Variants in HECW1 observed in about 807,000 individuals in gnomAD.
HECW1 encodes the protein HECT, C2 and WW domain containing E3 ubiquitin protein ligase 1.
A neutral mutation model predicts 182.3 loss-of-function variants in HECW1; 61 were observed. The observed-to-expected ratio is 0.33, with a 90% CI of 0.27 to 0.41. The LOEUF is 0.41. Among genes scored for constraint, HECW1 ranks in the 10% least tolerant of loss-of-function variants. The probability of loss-of-function intolerance (pLI) is 1.00; values close to 1 mark genes in which losing one functional copy is unlikely to be tolerated. For missense variants in HECW1, 1,739 were observed against 2,108.9 expected, an observed-to-expected ratio of 0.82 and a Z score of 3.44; for synonymous variants, 859 against 832.6, an observed-to-expected ratio of 1.03 and a Z score of -0.55.
At chr7:43,192,378 GTTGATGGATATTCCAGTTACCCTAAT>G (rs1477039780) in intron 2 of HECW1, among the ~76,000 whole-genome samples, 1 of 152,168 alleles carries the variant, frequency 6.6e-6, no homozygotes, top group Non-Finnish European at 1.5e-5. Flanking sequence ...AAATATTTAA[GTTGATGGATATTCCAGTTACCCTAAT>G]TTGATTATAT....
At chr7:43,385,153 G>A (rs1250516824) in intron 6 of HECW1, among the ~76,000 whole-genome samples, 1 of 147,976 alleles carries the variant, frequency 6.8e-6, no homozygotes, top group African/African-American at 2.5e-5. Flanking sequence ...TCTTCCAATC[G>A]GTCACCAAGT....
At chr7:43,142,801 G>A (rs1428519417) in intron 2 of HECW1, among the ~76,000 whole-genome samples, 1 of 152,194 alleles carries the variant, frequency 6.6e-6, no homozygotes, top group Non-Finnish European at 1.5e-5. Context: ...CAGAAGCGGG[G>A]TTCCGGCTTG....
Position 43,360,927 on chromosome 7 carries a change from G to C in HECW1, c.502G>C (p.Gly168Arg). The C allele has an allele frequency of 6.2e-7, 1 of 1,613,840 alleles. No individual in the cohort carries two copies. Among genetic ancestry groups the C allele is most frequent in the East Asian group, 2.2e-5 (1 of 44,864 alleles). The change falls in exon 6 of 30, where the codon GGG (glycine) becomes CGG (arginine). Residue 168 changes from glycine to arginine, a missense_variant. This residue lies in a region of HECW1 where 279 missense variants were observed against 353.1 expected (regional missense o/e 0.79). Coordinates refer to ENST00000395891, the MANE Select transcript of HECW1 (RefSeq NM_015052.5). ...ICFKYYHGVSGALRATTPSVT... is the reference protein window; with the variant it reads ...ICFKYYHGVSRALRATTPSVT... ...CTTCAAATACTACCATGGAGTGAGTGGGGCCCTGCGAGCAACCACCCCCAG... is the reference window on the plus strand; with the variant it reads ...CTTCAAATACTACCATGGAGTGAGTCGGGCCCTGCGAGCAACCACCCCCAG...
In HECW1 at chr7:43,374,799, A is replaced by AAAAAAAAAAAAAAAAAAAAAC. The variant is rs1303274874; in HGVS notation, c.555+13820_555+13821insAAAAAAAAAAAAAAAAAAACA. On this transcript the variant is annotated intron_variant, in intron 6 of 29. Transcript: ENST00000395891. ...AAAAAAAAAAAAAAAAAAAAAAAAA[A>AAAAAAAAAAAAAAAAAAAAAC]ATAGAGAAATATAATAACCAGTGAA... Among the ~76,000 whole-genome samples the AAAAAAAAAAAAAAAAAAAAAC allele has an allele frequency of 3.7e-4, 20 of 54,072 alleles. 4 individuals carry two copies. The highest frequency in any genetic ancestry group is 4.1e-4 in the Non-Finnish European group (14 of 33,848). 35.5% of individuals were successfully genotyped at this position (54,072 alleles called of 152,430 possible).
chr7:43,247,660 G>A (rs992415746), intron 3 of HECW1, among the ~76,000 whole-genome samples: 7 of 137,702 alleles, frequency 5.1e-5, no homozygotes, highest in Admixed American at 2.9e-4. Context: ...GAGAGAGAGA[G>A]GAAGGAAGGG....
At position 43,502,569 on chromosome 7, in the gene HECW1, G is replaced by A. The variant is rs558367252; in HGVS notation, c.3631+1247G>A. On this transcript the variant is annotated intron_variant, in intron 21 of 29. Coordinates refer to ENST00000395891, the MANE Select transcript of HECW1 (RefSeq NM_015052.5). ...ATCAGCTATTCAGGAGGCTAAGGCGGGATCTCTTGAACCCAGGAGACAGAG... is the reference window on the plus strand; with the variant it reads ...ATCAGCTATTCAGGAGGCTAAGGCGAGATCTCTTGAACCCAGGAGACAGAG... Among the ~76,000 whole-genome samples, 4 of 152,178 alleles carry A rather than the reference G, an allele frequency of 2.6e-5. No homozygotes were observed. The South Asian group carries it at 6.2e-4, about 24-fold the overall frequency.
rs184394059 is a variant in HECW1 at position 43,437,106 on chromosome 7, C to A, written c.802-897C>A. Among the ~76,000 whole-genome samples the A allele has an allele frequency of 2.6e-5, 4 of 152,312 alleles. No homozygotes were observed. The East Asian group carries it at 7.7e-4, about 29-fold the overall frequency. ...TTCTCCCTCCCCTACCAGCCCACTT[C>A]CTGGACTTCAGTTTGGAGCATCCCC... is the stretch of plus-strand genomic sequence containing the variant. On this transcript the variant is annotated intron_variant, in intron 8 of 29. Coordinates refer to ENST00000395891, the MANE Select transcript of HECW1 (RefSeq NM_015052.5).
chr7:43,306,570 T>C (rs1807598461), intron 3 of HECW1, among the ~76,000 whole-genome samples: 1 of 152,228 alleles, frequency 6.6e-6, no homozygotes, highest in Non-Finnish European at 1.5e-5. Flanking sequence ...TGAAGCTTCC[T>C]TCAAGGGCTG....
chr7:43,436,163 C>CAA (rs750081980), intron 8 of HECW1, among the ~76,000 whole-genome samples: 5,600 of 65,666 alleles, frequency 0.085, 379 homozygotes, highest in African/African-American at 0.17. Flanking sequence ...GACTTTGTCT[C>CAA]AAAAAAAAAA....
chr7:43,397,810 T>A (rs2075278707), intron 7 of HECW1, among the ~76,000 whole-genome samples: 1 of 152,152 alleles, frequency 6.6e-6, no homozygotes, highest in Non-Finnish European at 1.5e-5. Context: ...TCTGGATGTA[T>A]ATGTGCAGGT....
intron 2 of HECW1, among the ~76,000 whole-genome samples, chr7:43,149,255 A>C (rs1283157374): frequency 2.0e-5 from 3 of 152,236 alleles, no homozygotes; most frequent in African/African-American, 7.2e-5. Context: ...ACATATTGTC[A>C]TCATGTTGAC....
rs1467433682 is a variant in HECW1, at chr7:43,492,075, G to A, written c.3235G>A (p.Ala1079Thr). The A allele has an allele frequency of 5.0e-6, 8 of 1,600,158 alleles. No homozygotes were observed. Among genetic ancestry groups the A allele is most frequent in the African/African-American group, 1.4e-5 (1 of 74,052 alleles). ...QRLRSYSAGEASEVSRNRGAS... is the reference protein window; with the variant it reads ...QRLRSYSAGETSEVSRNRGAS... ...GCTTATGCTTTTATTCTAAAATTAG[G>A]CCTCAGAAGTTTCTAGAAACAGAGG... is the stretch of plus-strand genomic sequence containing the variant. Residue 1079 changes from alanine (A) to threonine (T), a missense_variant and splice_region_variant, in exon 18 of 30, where the codon GCC becomes ACC. Transcript: ENST00000395891.
chr7:43,225,097 G>A (rs573587186), intron 2 of HECW1, among the ~76,000 whole-genome samples: 39 of 152,294 alleles, frequency 2.6e-4, no homozygotes, highest in Middle Eastern at 3.4e-3. Flanking sequence ...GTGACACATT[G>A]GAGGTTTGTC....
Position 43,256,524 on chromosome 7 carries a change from G to T in HECW1, c.27+12592G>T, listed in dbSNP as rs551544429. Among the ~76,000 whole-genome samples the T allele has an allele frequency of 1.7e-4, 26 of 151,038 alleles. No homozygotes were observed. The South Asian group carries it at 5.5e-3, about 32-fold the overall frequency. ...CTCGGGAGGCTGAAGCAGGAGAATC[G>T]CTTGAACCTGGGAGGCAGAGGTTGC... On this transcript the variant is annotated intron_variant, in intron 3 of 29. Coordinates refer to ENST00000395891, the MANE Select transcript of HECW1 (RefSeq NM_015052.5).
intron 24 of HECW1, among the ~76,000 whole-genome samples, chr7:43,535,423 G>A (rs556897010): frequency 9.2e-5 from 14 of 152,244 alleles, no homozygotes; most frequent in South Asian, 2.1e-4. Context: ...TTTCTTCAGC[G>A]TAGGTCAAGT....
chr7:43,468,413 T>C lies in HECW1; in HGVS notation c.2914-507T>C, dbSNP rs111291776. Among the ~76,000 whole-genome samples the C allele has an allele frequency of 2.1e-3, 324 of 152,060 alleles. 1 individual carries two copies. Among genetic ancestry groups the C allele is most frequent in the African/African-American group, 7.6e-3 (314 of 41,500 alleles). On this transcript the variant is annotated intron_variant, in intron 15 of 29. Transcript: ENST00000395891. ...CATGGCTGAGACAGCGAGAAAACCA[T>C]GTGGAGTCGCACAGAGAGGTGGGCC...
chr7:43,372,540 T>G (rs118127714), intron 6 of HECW1, among the ~76,000 whole-genome samples: 1 of 152,034 alleles, frequency 6.6e-6, no homozygotes, highest in African/African-American at 2.4e-5. Flanking sequence ...TTCCTTTTTT[T>G]AGACTTGTTT....
At chr7:43,308,255 T>TAATAA (rs1491396126) in intron 3 of HECW1, among the ~76,000 whole-genome samples, 9 of 100,100 alleles carry the variant, frequency 9.0e-5, no homozygotes, top group African/African-American at 3.1e-4. Context: ...TATATATATA[T>TAATAA]TATATGATAT....
chr7:43,308,268 TTATA>T (rs376041632), intron 3 of HECW1, among the ~76,000 whole-genome samples: 1 of 102,436 alleles, frequency 9.8e-6, no homozygotes, highest in Non-Finnish European at 2.0e-5. Context: ...TATGATATAT[TTATA>T]TATTATATGA....
Sources: allele counts gnomAD v4.1 joint callset (sites outside exome capture counted in the v4.1 genomes callset), GRCh38; gene constraint gnomAD v4.1.1; regional missense constraint gnomAD v4.1.1; transcripts MANE v1.5; gene names NCBI Gene and HGNC (gene_info 2026-07-23, HGNC 2026-07-21).